ABLIM1: variants seen among roughly 807,000 people sequenced by gnomAD.
ABLIM1 encodes actin binding LIM protein 1.
In ABLIM1, 40 loss-of-function variants were observed where a neutral mutation model predicts 107.0. The ratio of observed to expected loss-of-function variants is 0.37; its 90% CI spans 0.29 to 0.49. ABLIM1 has a LOEUF of 0.49. Ranked by LOEUF, ABLIM1 falls within the 20% of genes least tolerant of loss-of-function variation. The pLI is 0.97. For synonymous variants in ABLIM1, 357 were observed against 357.3 expected, an observed-to-expected ratio of 1.00 and a Z score of 0.01; for missense variants, 857 against 1,008.5, an observed-to-expected ratio of 0.85 and a Z score of 2.04.
intron 6 of ABLIM1, among the ~76,000 whole-genome samples, chr10:114,518,196 A>G (rs1245735282): frequency 1.3e-5 from 2 of 152,314 alleles, no homozygotes; most frequent in South Asian, 4.1e-4. Flanking sequence ...CAAGATACAG[A>G]ACTCTACATC....
At chr10:114,795,338 AG>A in the ABLIM1 span, among the ~76,000 whole-genome samples, 2 of 152,198 alleles carry the variant, frequency 1.3e-5, no homozygotes, top group Non-Finnish European at 2.9e-5. Flanking sequence ...CTTACATTGA[AG>A]TGCTTAAGTG....
intron 1 of ABLIM1, chr10:114,613,645 A>C (rs866502920): frequency 1.5e-6 from 2 of 1,318,658 alleles, no homozygotes; most frequent in Middle Eastern, 4.2e-4. Flanking sequence ...AAAGACACAA[A>C]CCTGCCCTCA....
chr10:114,734,982 T>C (rs1192537893), intron 1 of ABLIM1, among the ~76,000 whole-genome samples: 1 of 152,236 alleles, frequency 6.6e-6, no homozygotes, highest in Non-Finnish European at 1.5e-5. Context: ...CAGCATGGAC[T>C]TAAAGGGGCT....
chr10:114,696,281 C>T (rs2141781971), intron 1 of ABLIM1, among the ~76,000 whole-genome samples: 1 of 152,328 alleles, frequency 6.6e-6, no homozygotes, highest in East Asian at 1.9e-4. Flanking sequence ...CAACAAAATA[C>T]CACAGGCTAT....
intron 15 of ABLIM1, among the ~76,000 whole-genome samples, chr10:114,446,250 T>G (rs1368314574): frequency 6.6e-6 from 1 of 152,268 alleles, no homozygotes; most frequent in African/African-American, 2.4e-5. Flanking sequence ...AAGCATACTT[T>G]TACTATTTCT....
chr10:114,794,200 G>A, the ABLIM1 span, among the ~76,000 whole-genome samples: 2 of 152,150 alleles, frequency 1.3e-5, no homozygotes, highest in Non-Finnish European at 2.9e-5. Context: ...TACATACATA[G>A]CTTGACCCCT....
chr10:114,558,455 C>CG (rs1443488819), intron 4 of ABLIM1, among the ~76,000 whole-genome samples: 2 of 152,118 alleles, frequency 1.3e-5, no homozygotes, highest in African/African-American at 4.8e-5. Context: ...ATGACGTTCG[C>CG]AGGATGGCTC....
intron 2 of ABLIM1, 98 bp downstream of exon 2, chr10:114,601,729 C>A: frequency 6.4e-7 from 1 of 1,572,886 alleles, no homozygotes; most frequent in Non-Finnish European, 8.7e-7. Flanking sequence ...ATTCGCTTAT[C>A]ATCCAGTGAC....
chr10:114,452,019 T>C (rs2061994258), intron 13 of ABLIM1, among the ~76,000 whole-genome samples: 1 of 152,128 alleles, frequency 6.6e-6, no homozygotes, highest in South Asian at 2.1e-4. Flanking sequence ...ATAACCAGCT[T>C]GGGGAAAATG....
chr10:114,520,200 A>G (rs1434510510), intron 6 of ABLIM1, among the ~76,000 whole-genome samples: 3 of 152,206 alleles, frequency 2.0e-5, no homozygotes, highest in African/African-American at 4.8e-5. Flanking sequence ...AATTGGCTCC[A>G]TGGAGTCACA....
the ABLIM1 span, among the ~76,000 whole-genome samples, chr10:114,800,660 C>T: frequency 6.6e-6 from 1 of 152,126 alleles, no homozygotes; most frequent in African/African-American, 2.4e-5. Context: ...TACCTGTAAT[C>T]CCAGCACTCT....
chr10:114,770,065 C>T (rs888340314), upstream of ABLIM1, among the ~76,000 whole-genome samples: 34 of 152,118 alleles, frequency 2.2e-4, no homozygotes, highest in Admixed American at 1.6e-3. Context: ...TGCCTCCCTA[C>T]CACCCACCCC....
chr10:114,799,352 C>T, the ABLIM1 span, among the ~76,000 whole-genome samples: 1 of 152,146 alleles, frequency 6.6e-6, no homozygotes, highest in Non-Finnish European at 1.5e-5. Context: ...TAGGTCCTGA[C>T]TACTTTCTCA....
In ABLIM1 at chr10:114,631,596, G is replaced by C. The variant is rs377311443; in HGVS notation, c.244+26361C>G. ...AGAGGAAGAGAATGATGGCTGGGAT[G>C]GGGGGCAAGACGGCGAGTCTCAAAC... On this transcript the variant is annotated intron_variant, in intron 1 of 22. Coordinates refer to ENST00000533213, the MANE Select transcript of ABLIM1 (RefSeq NM_002313.7). Among the ~76,000 whole-genome samples, 10 of 152,138 alleles carry C rather than the reference G, an allele frequency of 6.6e-5. No homozygotes were observed. The East Asian group carries it at 7.8e-4, about 12-fold the overall frequency.
At chr10:114,691,719 T>C (rs1446650034) in intron 1 of ABLIM1, among the ~76,000 whole-genome samples, 1 of 152,234 alleles carries the variant, frequency 6.6e-6, no homozygotes, top group Non-Finnish European at 1.5e-5. Flanking sequence ...TAAATCATAA[T>C]GACTTACTTT....
At chr10:114,590,553 T>C (rs929925321) in intron 2 of ABLIM1, among the ~76,000 whole-genome samples, 1 of 152,228 alleles carries the variant, frequency 6.6e-6, no homozygotes, top group Admixed American at 6.5e-5. Flanking sequence ...TACTTCTCAC[T>C]AAAGGTTCTG....
At chr10:114,622,432 G>A (rs2077529921) in intron 1 of ABLIM1, among the ~76,000 whole-genome samples, 1 of 151,398 alleles carries the variant, frequency 6.6e-6, no homozygotes. Context: ...GTCGGGGGAT[G>A]GGGGGAATTT....
intron 6 of ABLIM1, among the ~76,000 whole-genome samples, chr10:114,524,916 T>A (rs2064408842): frequency 6.6e-6 from 1 of 152,248 alleles, no homozygotes; most frequent in Admixed American, 6.5e-5. Flanking sequence ...AAAACACCTG[T>A]CCTGCCACTG....
chr10:114,464,685 G>A (rs529191272), intron 12 of ABLIM1, among the ~76,000 whole-genome samples: 4 of 152,318 alleles, frequency 2.6e-5, no homozygotes, highest in Admixed American at 2.0e-4. Flanking sequence ...GGATCAAATA[G>A]TTTGAATTCT....
Sources: gnomAD v4.1 joint callset for allele counts (sites outside exome capture counted in the v4.1 genomes callset) on GRCh38, gnomAD v4.1.1 for gene constraint, MANE v1.5 for transcripts, NCBI Gene and HGNC (gene_info 2026-07-23, HGNC 2026-07-21) for gene names.